NDOR1: variants seen among roughly 807,000 people sequenced by gnomAD.
NDOR1 encodes NADPH-dependent diflavin oxidoreductase 1.
Under a neutral mutation model 67.2 loss-of-function variants are expected in NDOR1, and 61 were observed. The ratio of observed to expected loss-of-function variants is 0.91; its 90% CI spans 0.74 to 1.12. NDOR1 has a LOEUF of 1.12. Among genes scored for constraint, NDOR1 ranks in the 50% most tolerant of loss-of-function variants. The probability of loss-of-function intolerance (pLI) is 0.00; values close to 1 mark genes in which losing one functional copy is unlikely to be tolerated. For synonymous variants in NDOR1, 378 were observed against 343.7 expected, an observed-to-expected ratio of 1.10 and a Z score of -1.10; for missense variants, 878 against 802.8, an observed-to-expected ratio of 1.09 and a Z score of -1.13.
intron 2 of NDOR1, among the ~76,000 whole-genome samples, chr9:137,209,298 G>A (rs545758514): frequency 3.2e-4 from 48 of 152,314 alleles, no homozygotes; most frequent in Non-Finnish European, 5.1e-4. Context: ...AGGTCGAGGG[G>A]TCTCAGATAG....
At chr9:137,209,278 A>G (rs915080468) in intron 2 of NDOR1, among the ~76,000 whole-genome samples, 1 of 151,984 alleles carries the variant, frequency 6.6e-6, no homozygotes, top group Non-Finnish European at 1.5e-5. Flanking sequence ...CTTGGGGGAG[A>G]GCTGAACATA....
chr9:137,205,884 G>A lies in NDOR1; in HGVS notation c.107G>A (p.Arg36Gln). ...REARRRRLGC[R>Q]VQALDSYPVV... Reference sequence around the variant, plus strand: ...GCCCGGCGCCGGCGGCTTGGCTGCCGGGTGCAGGCCCTGGACTCCTACCCG... The same window carrying A: ...GCCCGGCGCCGGCGGCTTGGCTGCCAGGTGCAGGCCCTGGACTCCTACCCG... Residue 36 changes from arginine to glutamine, a missense_variant, in exon 1 of 14, where the codon CGG becomes CAG. Transcript: ENST00000684003. The A allele has an allele frequency of 6.3e-7, 1 of 1,598,108 alleles. No individual in the cohort carries two copies. The highest frequency in any genetic ancestry group is 8.5e-7 in the Non-Finnish European group (1 of 1,177,956).
At chr9:137,213,667 G>A in intron 3 of NDOR1, 113 bp from the exon 4 acceptor site, 3 of 1,070,578 alleles carry the variant, frequency 2.8e-6, no homozygotes, top group South Asian at 1.5e-5. Flanking sequence ...CCCGAGGGAG[G>A]CCCTCCCCAG....
intron 1 of NDOR1, 126 bp downstream of exon 1, chr9:137,206,038 G>A (rs958961513): frequency 9.4e-6 from 14 of 1,486,980 alleles, no homozygotes; most frequent in Non-Finnish European, 1.2e-5. Flanking sequence ...GGCGGATTTA[G>A]GGAAGGAGGT....
At position 137,215,754 on chromosome 9, in the gene NDOR1, G is replaced by A. The variant is rs1368940853; in HGVS notation, c.1384G>A (p.Val462Ile). 1 of 1,602,110 alleles carries A rather than the reference G, an allele frequency of 6.2e-7. No individual in the cohort carries two copies. The highest frequency in any genetic ancestry group is 8.5e-7 in the Non-Finnish European group (1 of 1,173,366). ...GATCATGGTGGGGCCTGGCACTGGG[G>A]TAGCCCCCTTCCGAGCAGCCATCCA... The part of the protein sequence containing the change: ...PVIMVGPGTG[V>I]APFRAAIQER... The change falls in exon 11 of 14, where the codon GTA (valine) becomes ATA (isoleucine). Residue 462 changes from valine (V) to isoleucine (I), a missense_variant. Val to Ile is a conservative substitution (Grantham distance 29, BLOSUM62 3). Coordinates refer to ENST00000684003, the MANE Select transcript of NDOR1 (RefSeq NM_014434.4).
In NDOR1 at chr9:137,214,868, C is replaced by T. The variant is rs111266428; in HGVS notation, c.915C>T (p.Ile305=). 7.3e-5 allele frequency: 118 copies of T among 1,610,720 alleles called. No homozygotes were observed. Among genetic ancestry groups the T allele is most frequent in the African/African-American group, 2.7e-4 (20 of 75,064 alleles). The change falls in exon 8 of 14, where the codon ATC becomes ATT. Residue 305 remains isoleucine, a synonymous_variant. Coordinates refer to ENST00000684003, the MANE Select transcript of NDOR1 (RefSeq NM_014434.4). ...MRHLVSHYLD[I]ASVPRRSFFE... The stretch of plus-strand genomic sequence containing the variant: ...ACCTCGTGTCCCACTACCTGGACAT[C>T]GCCAGCGTGCCTCGCCGCTCCTTCT...
intron 2 of NDOR1, among the ~76,000 whole-genome samples, chr9:137,209,358 G>A (rs1328218326): frequency 1.3e-5 from 2 of 152,172 alleles, no homozygotes; most frequent in Non-Finnish European, 2.9e-5. Flanking sequence ...GCACGGGAGG[G>A]GAATGGTGGG....
chr9:137,218,076 G>A lies in NDOR1; in HGVS notation c.*1660G>A, dbSNP rs1171873084. On this transcript the variant is annotated 3_prime_UTR_variant, in exon 14 of 14. Transcript: ENST00000684003. ...GCAGGGCAGGGGGAAGAGGAGGAGT[G>A]CCCGATCTGCACAGAGCCCTACGGG... The A allele has an allele frequency of 5.0e-6, 2 of 399,202 alleles. No homozygotes were observed. The highest frequency in any genetic ancestry group is 7.1e-5 in the East Asian group (2 of 28,076). The allele number at this position is 399,202 out of a possible 1,614,324, so 24.7% of individuals were successfully genotyped here.
chr9:137,206,323 G>C lies in NDOR1; in HGVS notation c.213+14G>C. ...GACAACATGAAGGTAAGGCTGGCCT[G>C]ATGTGGCTCCTCAGATCCCTGCCCT... On this transcript the variant is annotated intron_variant, in intron 2 of 13. Coordinates refer to ENST00000684003, the MANE Select transcript of NDOR1 (RefSeq NM_014434.4). 6.2e-7 allele frequency: 1 copy of C among 1,613,774 alleles called. No homozygotes were observed. The highest frequency in any genetic ancestry group is 8.5e-7 in the Non-Finnish European group (1 of 1,179,864).
At chr9:137,208,040 G>C (rs964908960) in intron 2 of NDOR1, among the ~76,000 whole-genome samples, 35 of 151,806 alleles carry the variant, frequency 2.3e-4, no homozygotes, top group African/African-American at 6.8e-4. Context: ...CCAGCTACTC[G>C]GGAGGCTGAG....
At chr9:137,206,156 G>A (rs1834952351) in intron 1 of NDOR1, 76 bp from the exon 2 acceptor site, 1 of 1,571,576 alleles carries the variant, frequency 6.4e-7, no homozygotes, top group Non-Finnish European at 8.8e-7. Context: ...GAGTAAAGGA[G>A]AAGGGGGTCA....
chr9:137,208,513 G>A (rs569591310), intron 2 of NDOR1, among the ~76,000 whole-genome samples: 114 of 151,800 alleles, frequency 7.5e-4, no homozygotes, highest in Non-Finnish European at 1.0e-3. Flanking sequence ...GCTGTGAAAA[G>A]GCTAAAGAGT....
rs147871168 is a variant in NDOR1, at chr9:137,211,007, G to A, written c.214-1495G>A. ...AATACAAAAATTAGCCGGGCATGGT[G>A]GCACGCACCTGTAATCCCAGCTACT... On this transcript the variant is annotated intron_variant, in intron 2 of 13. Coordinates refer to ENST00000684003, the MANE Select transcript of NDOR1 (RefSeq NM_014434.4). 6.7e-3 allele frequency among the ~76,000 whole-genome samples: 1,018 copies of A among 152,306 alleles called. 14 individuals carry two copies. Among genetic ancestry groups the A allele is most frequent in the African/African-American group, 0.023 (954 of 41,542 alleles).
rs369635217 is a variant in NDOR1 at position 137,215,002 on chromosome 9, G to C, written c.1049G>C (p.Arg350Pro). ...CTCTTTGAATACTGCAACCGGCCCC[G>C]CAGGACCATCCTGGAGGTGAGATGG... ...EELFEYCNRP[R>P]RTILEVLCDF... is the part of the protein sequence containing the mutation. The change falls in exon 8 of 14, where the codon CGC becomes CCC. Residue 350 changes from arginine (R) to proline (P), a missense_variant. Physicochemically the swap from Arg to Pro is moderately radical, Grantham distance 103 (BLOSUM62 -2). Transcript: ENST00000684003. 1 of 1,612,782 alleles carries C rather than the reference G, an allele frequency of 6.2e-7. No homozygotes were observed. Among genetic ancestry groups the C allele is most frequent in the African/African-American group, 1.3e-5 (1 of 75,020 alleles).
rs1835331523 is a variant in NDOR1 at position 137,212,868 on chromosome 9, T to A, written c.311+269T>A. On this transcript the variant is annotated intron_variant, in intron 3 of 13. Coordinates refer to ENST00000684003, the MANE Select transcript of NDOR1 (RefSeq NM_014434.4). This position sits in a 1 kb window ranked among gnomAD's most constrained non-coding sequence, Gnocchi z 4.3. ...AGGCCTACCTGGCGCCGGTCCCCAC[T>A]TTTACAAAAAGGCGTGCTGTGAAGT... is the stretch of plus-strand genomic sequence containing the variant. 1 of 474,306 alleles carries A rather than the reference T, an allele frequency of 2.1e-6. No homozygotes were observed. The highest frequency in any genetic ancestry group is 3.8e-6 in the Non-Finnish European group (1 of 260,138). The allele number at this position is 474,306 out of a possible 1,614,324, so 29.4% of individuals were successfully genotyped here.
chr9:137,213,902 G>C, intron 4 of NDOR1, 24 bp downstream of exon 4: 1 of 1,601,142 alleles, frequency 6.2e-7, no homozygotes, highest in South Asian at 1.1e-5. Flanking sequence ...CGTGGTACCC[G>C]CCTCCACAGT....
chr9:137,206,080 G>A (rs1303394193), intron 1 of NDOR1, 152 bp from the exon 2 acceptor site: 4 of 1,423,272 alleles, frequency 2.8e-6, no homozygotes, highest in Non-Finnish European at 3.9e-6. Context: ...AGCACCTGGA[G>A]GAGGTTGGAA....
intron 5 of NDOR1, 26 bp downstream of exon 5, chr9:137,214,094 C>A: frequency 3.3e-6 from 5 of 1,531,734 alleles, no homozygotes; most frequent in Non-Finnish European, 4.4e-6. Context: ...GGGTCACCCA[C>A]AGGCGCAGCA....
chr9:137,215,264 G>A, intron 9 of NDOR1, 62 bp downstream of exon 9: 1 of 1,568,544 alleles, frequency 6.4e-7, no homozygotes, highest in African/African-American at 1.4e-5. Context: ...CGGGGCTGTG[G>A]GGTTTTGTAA....
Sources: allele counts gnomAD v4.1 joint callset (sites outside exome capture counted in the v4.1 genomes callset), GRCh38; gene constraint gnomAD v4.1.1; non-coding constraint Gnocchi (gnomAD v3.1); transcripts MANE v1.5; gene names NCBI Gene and HGNC (gene_info 2026-07-23, HGNC 2026-07-21).